CDCA7L: variants seen among roughly 807,000 people sequenced by gnomAD.
CDCA7L encodes cell division cycle-associated 7-like protein.
In CDCA7L, 44 loss-of-function variants were observed where a neutral mutation model predicts 57.4. That is an observed-to-expected ratio of 0.77 (90% CI 0.60 to 0.98). The LOEUF is 0.98. Among genes scored for constraint, CDCA7L ranks in the 50% least tolerant of loss-of-function variants. The pLI, the probability that CDCA7L is intolerant of heterozygous loss-of-function variation, is 0.00. For synonymous variants in CDCA7L, 236 were observed against 202.8 expected (o/e 1.16, Z -1.39); for missense variants, 644 against 580.6 (o/e 1.11, Z -1.12).
At chr7:21,911,003 ATAATTTTTTTTTTTTTTTTTTTTTT>A (rs1292922032) in intron 3 of CDCA7L, among the ~76,000 whole-genome samples, 5 of 136,084 alleles carry the variant, frequency 3.7e-5, no homozygotes, top group African/African-American at 1.4e-4. Context: ...AACTCTTGAG[ATAATTTTTTTTTTTTTTTTTTTTTT>A]TTTTTTTTTT....
chr7:21,902,447 G>GCCAGAACCCAGATCT (rs2128055299), intron 9 of CDCA7L, 95 bp from the exon 10 acceptor site: 1 of 1,217,598 alleles, frequency 8.2e-7, no homozygotes, highest in Non-Finnish European at 1.2e-6. Flanking sequence ...AGAGTACAAA[G>GCCAGAACCCAGATCT]CCAGAACCCA....
At chr7:21,941,807 T>C (rs1786348667) in intron 1 of CDCA7L, among the ~76,000 whole-genome samples, 1 of 152,134 alleles carries the variant, frequency 6.6e-6, no homozygotes, top group African/African-American at 2.4e-5. Context: ...AGAACTACAG[T>C]GGGGATTAAA....
chr7:21,922,671 C>A (rs1489071418), intron 1 of CDCA7L, among the ~76,000 whole-genome samples: 2 of 152,158 alleles, frequency 1.3e-5, no homozygotes, highest in Non-Finnish European at 2.9e-5. Context: ...TAGTAGAGGG[C>A]ATCAAAGTGT....
intron 1 of CDCA7L, chr7:21,940,331 C>T (rs955711031): frequency 3.6e-5 from 35 of 983,294 alleles, no homozygotes; most frequent in South Asian, 1.9e-4. Flanking sequence ...AAGTAGAAAA[C>T]GCTATATAAA....
Position 21,906,468 on chromosome 7 carries a change from A to C in CDCA7L, c.754-12T>G. ...ACTGTCTTCTTCCTCTGAAATCAAG[A>C]GCACAGACAGAGACAACTGGGGACT... On this transcript the variant is annotated splice_polypyrimidine_tract_variant and intron_variant, in intron 5 of 9. Transcript: ENST00000406877. The C allele has an allele frequency of 6.2e-7, 1 of 1,609,102 alleles. No homozygotes were observed. The highest frequency in any genetic ancestry group is 8.5e-7 in the Non-Finnish European group (1 of 1,176,786).
intron 9 of CDCA7L, 24 bp downstream of exon 9, chr7:21,902,954 G>C: frequency 6.2e-7 from 1 of 1,607,140 alleles, no homozygotes. Flanking sequence ...AAGCTGTTTT[G>C]TAAGCTGCTA....
At chr7:21,920,427 T>C (rs143587114) in intron 1 of CDCA7L, among the ~76,000 whole-genome samples, 111 of 152,362 alleles carry the variant, frequency 7.3e-4, no homozygotes, top group Middle Eastern at 3.4e-3. Context: ...CTTATTTTAA[T>C]GCTTCTTGAT....
chr7:21,903,230 A>T (rs565230189), intron 8 of CDCA7L, 116 bp from the exon 9 acceptor site: 12 of 971,352 alleles, frequency 1.2e-5, no homozygotes, highest in African/African-American at 1.1e-4. Context: ...ATCACATGGC[A>T]TCTTTCAGTC....
chr7:21,902,693 C>T (rs1562618058), intron 9 of CDCA7L: 1 of 473,734 alleles, frequency 2.1e-6, no homozygotes, highest in Non-Finnish European at 3.8e-6. Flanking sequence ...CTCAGCCTGC[C>T]TTGTTTGTTT....
intron 1 of CDCA7L, among the ~76,000 whole-genome samples, chr7:21,928,515 A>G (rs7777755): frequency 0.9 from 136,771 of 151,926 alleles, 61,655 homozygotes; most frequent in Admixed American, 0.94. Context: ...CGAGCTAAAG[A>G]AGCATGTTCT....
intron 9 of CDCA7L, 140 bp from the exon 10 acceptor site, chr7:21,902,492 C>G (rs112328484): frequency 3.8e-6 from 3 of 799,644 alleles, no homozygotes; most frequent in African/African-American, 3.4e-5. Flanking sequence ...ACAATTTATG[C>G]ATCAATATCC....
intron 4 of CDCA7L, among the ~76,000 whole-genome samples, chr7:21,907,116 A>T (rs1785166630): frequency 6.6e-6 from 1 of 152,212 alleles, no homozygotes; most frequent in Non-Finnish European, 1.5e-5. Context: ...AAAGTAATCT[A>T]TGAAGATATT....
In CDCA7L at chr7:21,914,252, G is replaced by C. The variant is rs578099215; in HGVS notation, c.166-2498C>G. ...GTGCTCACTGTATACAGTCAGGTGGGGTGTTGGATGCTTGAAATCAGAGGA... is the reference window on the plus strand; with the variant it reads ...GTGCTCACTGTATACAGTCAGGTGGCGTGTTGGATGCTTGAAATCAGAGGA... On this transcript the variant is annotated intron_variant, in intron 2 of 9. Coordinates refer to ENST00000406877, the MANE Select transcript of CDCA7L (RefSeq NM_018719.5). Among the ~76,000 whole-genome samples, 232 of 152,292 alleles carry C rather than the reference G, an allele frequency of 1.5e-3. 2 individuals carry two copies. Among genetic ancestry groups the C allele is most frequent in the South Asian group, 2.7e-3 (13 of 4,826 alleles).
chr7:21,929,063 C>G (rs1785913480), intron 1 of CDCA7L, among the ~76,000 whole-genome samples: 1 of 152,136 alleles, frequency 6.6e-6, no homozygotes, highest in Non-Finnish European at 1.5e-5. Flanking sequence ...AGAGAAAGGT[C>G]AGGTTAACCA....
At chr7:21,902,386 G>A (rs762991138) in intron 9 of CDCA7L, 34 bp from the exon 10 acceptor site, 8 of 1,593,068 alleles carry the variant, frequency 5.0e-6, no homozygotes, top group Admixed American at 1.7e-5. Context: ...TGGTAAAGTA[G>A]TACAAATACA....
chr7:21,916,024 C>T (rs1338376901), intron 2 of CDCA7L, among the ~76,000 whole-genome samples: 4 of 152,052 alleles, frequency 2.6e-5, no homozygotes, highest in African/African-American at 9.7e-5. Context: ...CAGTGGCCCA[C>T]GTAATTAAGC....
intron 1 of CDCA7L, among the ~76,000 whole-genome samples, chr7:21,924,116 T>C (rs547006845): frequency 6.6e-6 from 1 of 152,344 alleles, no homozygotes; most frequent in East Asian, 1.9e-4. Context: ...ATTAAAGCTT[T>C]TCCATAACTC....
intron 1 of CDCA7L, among the ~76,000 whole-genome samples, chr7:21,936,884 A>C (rs1466393943): frequency 2.6e-5 from 4 of 152,214 alleles, no homozygotes; most frequent in Non-Finnish European, 5.9e-5. Flanking sequence ...TATCTCTGCT[A>C]TAAGAGACGT....
At chr7:21,937,541 G>C (rs1037037896) in intron 1 of CDCA7L, among the ~76,000 whole-genome samples, 25 of 151,984 alleles carry the variant, frequency 1.6e-4, no homozygotes, top group Non-Finnish European at 4.4e-5. Context: ...GGGAGGCTGA[G>C]GCAGGAGAAT....
Sources: gnomAD v4.1 joint callset for allele counts (sites outside exome capture counted in the v4.1 genomes callset) on GRCh38, gnomAD v4.1.1 for gene constraint, MANE v1.5 for transcripts, NCBI Gene and HGNC (gene_info 2026-07-23, HGNC 2026-07-21) for gene names.